TENM4: variants seen among roughly 807,000 people sequenced by gnomAD.
TENM4 encodes the protein teneurin-4.
A neutral mutation model predicts 243.3 loss-of-function variants in TENM4; 82 were observed. The ratio of observed to expected loss-of-function variants is 0.34; its 90% CI spans 0.28 to 0.40. The LOEUF is 0.40. Ranked by LOEUF, TENM4 falls within the 10% of genes least tolerant of loss-of-function variation. The pLI is 1.00. For synonymous variants in TENM4, 1,412 were observed against 1,456.3 expected (o/e 0.97, Z 0.69); for missense variants, 3,138 against 3,673.3 (o/e 0.85, Z 3.77).
chr11:78,805,113 G>A (rs1857359921), intron 15 of TENM4, among the ~76,000 whole-genome samples, 179 bp downstream of exon 15: 1 of 152,156 alleles, frequency 6.6e-6, no homozygotes, highest in Non-Finnish European at 1.5e-5. Context: ...TGTAATTTTT[G>A]AATCCTCTCT....
chr11:78,942,963 T>C (rs1186397519), intron 6 of TENM4, among the ~76,000 whole-genome samples: 1 of 152,158 alleles, frequency 6.6e-6, no homozygotes, highest in Non-Finnish European at 1.5e-5. Flanking sequence ...AGAGAAGCCC[T>C]GTCAGGCCGG....
At chr11:79,198,673 T>C (rs10899606) in intron 3 of TENM4, among the ~76,000 whole-genome samples, 28,232 of 152,234 alleles carry the variant, frequency 0.19, 3,502 homozygotes, top group Non-Finnish European at 0.27. Context: ...CCCTGCTTTC[T>C]AGCCCTGCTT....
At chr11:79,009,389 C>G (rs1021732224) in intron 6 of TENM4, among the ~76,000 whole-genome samples, 1 of 152,090 alleles carries the variant, frequency 6.6e-6, no homozygotes, top group Non-Finnish European at 1.5e-5. Context: ...TGAGCCTCAC[C>G]CCATGTGCCC....
chr11:79,400,195 A>C (rs1858432912), intron 1 of TENM4, among the ~76,000 whole-genome samples: 1 of 151,886 alleles, frequency 6.6e-6, no homozygotes, highest in Admixed American at 6.6e-5. Context: ...TGCTTTATCA[A>C]CAAGACCATA....
At chr11:78,856,570 T>C (rs896755038) in intron 10 of TENM4, among the ~76,000 whole-genome samples, 7 of 152,060 alleles carry the variant, frequency 4.6e-5, no homozygotes, top group African/African-American at 1.7e-4. Flanking sequence ...ATAGAAAGGA[T>C]GGGGGAACAA....
chr11:78,894,136 C>T (rs1315735731), intron 7 of TENM4, among the ~76,000 whole-genome samples: 6 of 152,140 alleles, frequency 3.9e-5, no homozygotes, highest in Non-Finnish European at 1.5e-5. Flanking sequence ...TTGAAGATGG[C>T]AGCAGAAGGC....
chr11:78,885,454 A>C (rs1286389130), intron 9 of TENM4, among the ~76,000 whole-genome samples: 1 of 152,072 alleles, frequency 6.6e-6, no homozygotes. Context: ...GCCAAGTAGC[A>C]CTCCCAGGAG....
chr11:78,924,866 T>C (rs1856520717), intron 6 of TENM4: 1 of 152,234 alleles, frequency 6.6e-6, no homozygotes, highest in African/African-American at 2.4e-5. Context: ...TCACTTTGTA[T>C]GTTACAGAAG....
chr11:79,197,317 G>A (rs887193532), intron 3 of TENM4, among the ~76,000 whole-genome samples: 1 of 151,478 alleles, frequency 6.6e-6, no homozygotes, highest in Non-Finnish European at 1.5e-5. Flanking sequence ...TCCCAACCCT[G>A]GCTGCTCATT....
intron 2 of TENM4, among the ~76,000 whole-genome samples, chr11:79,276,492 G>A (rs995845481): frequency 2.0e-5 from 3 of 151,640 alleles, no homozygotes; most frequent in African/African-American, 7.3e-5. Context: ...GGAGGGGGGT[G>A]GGAGAATGTG....
intron 4 of TENM4, among the ~76,000 whole-genome samples, chr11:79,081,304 G>A (rs556045213): frequency 6.6e-6 from 1 of 152,174 alleles, no homozygotes; most frequent in East Asian, 1.9e-4. Flanking sequence ...GCTCTGTTGA[G>A]CAGGGAAGGA....
intron 6 of TENM4, among the ~76,000 whole-genome samples, chr11:78,912,375 C>T: frequency 6.6e-6 from 1 of 152,168 alleles, no homozygotes; most frequent in East Asian, 1.9e-4. Flanking sequence ...CTGCCTCAGC[C>T]TCCCGAGTAG....
At chr11:78,986,771 G>T (rs574913102) in intron 6 of TENM4, among the ~76,000 whole-genome samples, 1 of 152,190 alleles carries the variant, frequency 6.6e-6, no homozygotes, top group South Asian at 2.1e-4. Flanking sequence ...ATGGGGTTTT[G>T]CCATATTGGC....
At chr11:79,040,576 T>C (rs1214016309) in intron 6 of TENM4, among the ~76,000 whole-genome samples, 1 of 151,898 alleles carries the variant, frequency 6.6e-6, no homozygotes, top group Admixed American at 6.6e-5. Context: ...CCATATGGAG[T>C]GGAGAGAAAA....
intron 6 of TENM4, among the ~76,000 whole-genome samples, chr11:79,046,287 A>T (rs972254670): frequency 6.6e-6 from 1 of 152,198 alleles, no homozygotes; most frequent in African/African-American, 2.4e-5. Context: ...CAACTGCTCC[A>T]TTGTTCAGAA....
chr11:79,106,758 A>G (rs1861379366), intron 4 of TENM4, among the ~76,000 whole-genome samples: 1 of 152,206 alleles, frequency 6.6e-6, no homozygotes, highest in Non-Finnish European at 1.5e-5. Flanking sequence ...AGATGGGACA[A>G]GAACTCATCT....
intron 6 of TENM4, among the ~76,000 whole-genome samples, chr11:78,923,936 C>T (rs1856501341): frequency 6.7e-6 from 1 of 150,230 alleles, no homozygotes; most frequent in African/African-American, 2.5e-5. Context: ...CTTACTGCAA[C>T]CTCTGCCTCC....
intron 6 of TENM4, among the ~76,000 whole-genome samples, chr11:79,049,042 G>A (rs1859732360): frequency 6.6e-6 from 1 of 152,202 alleles, no homozygotes; most frequent in Non-Finnish European, 1.5e-5. Flanking sequence ...CTACGTAGGT[G>A]TCTGTCTTCT....
At chr11:78,982,399 T>C (rs1857819160) in intron 6 of TENM4, among the ~76,000 whole-genome samples, 1 of 152,138 alleles carries the variant, frequency 6.6e-6, no homozygotes, top group African/African-American at 2.4e-5. Flanking sequence ...TCCTCAGGGA[T>C]GAGGCCAGAG....
Sources: gnomAD v4.1 joint callset for allele counts (sites outside exome capture counted in the v4.1 genomes callset) on GRCh38, gnomAD v4.1.1 for gene constraint, MANE v1.5 for transcripts, NCBI Gene and HGNC (gene_info 2026-07-23, HGNC 2026-07-21) for gene names.